EXOC6: variants seen among roughly 807,000 people sequenced by gnomAD.
EXOC6 encodes exocyst complex component 6, also known as SEC15-like 1.
EXOC6 carries 60 observed loss-of-function variants against 112.5 expected under a neutral mutation model. That is an observed-to-expected ratio of 0.53 (90% CI 0.43 to 0.66). The LOEUF is 0.66. Ranked by LOEUF, EXOC6 falls within the 30% of genes least tolerant of loss-of-function variation. The pLI is 0.00. For synonymous variants in EXOC6, 295 were observed against 308.0 expected (o/e 0.96, Z 0.44); for missense variants, 855 against 957.1 (o/e 0.89, Z 1.41).
chr10:93,051,065 G>T (rs1354775164), intron 20 of EXOC6, among the ~76,000 whole-genome samples: 2 of 151,124 alleles, frequency 1.3e-5, no homozygotes, highest in Non-Finnish European at 2.9e-5. Flanking sequence ...TTTAGCCATG[G>T]TAGTGACCAA....
chr10:92,958,330 C>A (rs894133090), intron 17 of EXOC6, among the ~76,000 whole-genome samples: 1 of 152,150 alleles, frequency 6.6e-6, no homozygotes, highest in Non-Finnish European at 1.5e-5. Flanking sequence ...GAGAAATAGT[C>A]CAGTTCTTTC....
At chr10:92,885,120 CTTTG>C (rs1589762038) in intron 1 of EXOC6, among the ~76,000 whole-genome samples, 1 of 152,150 alleles carries the variant, frequency 6.6e-6, no homozygotes, top group African/African-American at 2.4e-5. Flanking sequence ...CTGCAAGATA[CTTTG>C]TTTAAATTCC....
At chr10:92,918,958 A>G (rs1280228247) in intron 7 of EXOC6, among the ~76,000 whole-genome samples, 1 of 152,228 alleles carries the variant, frequency 6.6e-6, no homozygotes. Flanking sequence ...CTAATGTGGA[A>G]TTAGTATGTC....
Position 92,919,764 on chromosome 10 carries a change from A to G in EXOC6, c.820-218A>G, listed in dbSNP as rs576787817. 2.0e-5 allele frequency among the ~76,000 whole-genome samples: 3 copies of G among 152,326 alleles called. No individual in the cohort carries two copies. The East Asian group carries it at 5.8e-4, about 29-fold the overall frequency. Reference sequence around the variant, plus strand: ...TTACCTTAAGTTGAAAACAGTCCACAGTGATAATAAACATACTACAAAGAA... The same window carrying G: ...TTACCTTAAGTTGAAAACAGTCCACGGTGATAATAAACATACTACAAAGAA... On this transcript the variant is annotated intron_variant, in intron 7 of 21. Transcript: ENST00000260762.
At chr10:92,981,965 CATT>C (rs1038231561) in intron 18 of EXOC6, among the ~76,000 whole-genome samples, 7 of 151,972 alleles carry the variant, frequency 4.6e-5, no homozygotes, top group Admixed American at 4.6e-4. Flanking sequence ...AAAATACAAA[CATT>C]AGCCGGGCAG....
At chr10:92,904,275 GT>G (rs1850326997) in intron 5 of EXOC6, among the ~76,000 whole-genome samples, 1 of 152,136 alleles carries the variant, frequency 6.6e-6, no homozygotes, top group South Asian at 2.1e-4. Flanking sequence ...TTGTGTGCAG[GT>G]TTTATGCATG....
chr10:93,058,363 A>G lies in EXOC6; in HGVS notation c.*8A>G, dbSNP rs779224412. 11 of 1,593,000 alleles carry G rather than the reference A, an allele frequency of 6.9e-6. No individual in the cohort carries two copies. In the Admixed American group the frequency reaches 2.1e-4, roughly 30 times the overall value. ...ATGTCCCAGCACATGTAGACCTCAC[A>G]TGGCTTGCACTCAGTGACACCAAAT... On this transcript the variant is annotated 3_prime_UTR_variant, in exon 22 of 22. Transcript: ENST00000260762.
At chr10:92,977,660 C>G (rs1842678921) in intron 18 of EXOC6, among the ~76,000 whole-genome samples, 1 of 151,996 alleles carries the variant, frequency 6.6e-6, no homozygotes. Context: ...AGAACAAACA[C>G]ATGTACGTGC....
chr10:92,863,996 T>G (rs1480105857), intron 1 of EXOC6, among the ~76,000 whole-genome samples: 1 of 150,446 alleles, frequency 6.6e-6, no homozygotes, highest in Non-Finnish European at 1.5e-5. Flanking sequence ...GTGCTGGTTA[T>G]CTATTTAGTT....
chr10:92,841,682 A>G (rs1246114345), intron 1 of EXOC6, among the ~76,000 whole-genome samples: 1 of 152,226 alleles, frequency 6.6e-6, no homozygotes, highest in Admixed American at 6.5e-5. Flanking sequence ...ATAAAACTTT[A>G]AAAACATTTT....
intron 20 of EXOC6, among the ~76,000 whole-genome samples, chr10:93,031,827 A>G (rs971267456): frequency 2.0e-5 from 3 of 152,026 alleles, no homozygotes; most frequent in South Asian, 4.1e-4. Flanking sequence ...GCCATTTTTA[A>G]AAGAGGCACC....
At chr10:93,025,907 TCTC>T (rs544217893) in intron 20 of EXOC6, among the ~76,000 whole-genome samples, 2 of 152,166 alleles carry the variant, frequency 1.3e-5, no homozygotes, top group Non-Finnish European at 2.9e-5. Flanking sequence ...TAGTCATTCT[TCTC>T]CTCCCTTTCA....
intron 1 of EXOC6, among the ~76,000 whole-genome samples, chr10:92,853,518 A>G (rs1352259778): frequency 6.6e-6 from 1 of 152,258 alleles, no homozygotes; most frequent in Non-Finnish European, 1.5e-5. Context: ...ACAGAAATTA[A>G]GACTGTGGTA....
chr10:93,011,212 T>C (rs1217612746), intron 19 of EXOC6, among the ~76,000 whole-genome samples: 4 of 151,710 alleles, frequency 2.6e-5, no homozygotes, highest in Admixed American at 2.6e-4. Context: ...TTATGGTTTT[T>C]TTTTGTGACC....
chr10:92,864,905 T>C (rs1381179076), intron 1 of EXOC6, among the ~76,000 whole-genome samples: 2 of 152,176 alleles, frequency 1.3e-5, no homozygotes. Context: ...TGTGAGCCCA[T>C]TCCTGTAATA....
chr10:93,048,697 A>G (rs971538788), intron 20 of EXOC6, among the ~76,000 whole-genome samples: 2 of 148,284 alleles, frequency 1.3e-5, no homozygotes, highest in Admixed American at 6.8e-5. Flanking sequence ...CAGAGGTTGC[A>G]GTGAGCCAAG....
chr10:93,029,185 G>C (rs182805543), intron 20 of EXOC6, among the ~76,000 whole-genome samples: 2 of 152,248 alleles, frequency 1.3e-5, no homozygotes, highest in East Asian at 3.9e-4. Context: ...TTGTAGTAAA[G>C]TACATTTAAT....
At chr10:93,025,995 A>G (rs560753458) in intron 20 of EXOC6, among the ~76,000 whole-genome samples, 3 of 152,222 alleles carry the variant, frequency 2.0e-5, no homozygotes, top group African/African-American at 7.2e-5. Context: ...ACACCAAATC[A>G]TGCAGGATAA....
chr10:92,988,604 T>C (rs376852050), intron 18 of EXOC6, among the ~76,000 whole-genome samples: 1 of 152,192 alleles, frequency 6.6e-6, no homozygotes, highest in African/African-American at 2.4e-5. Flanking sequence ...CTTGATTATC[T>C]ATTGAATTAA....
Sources: gnomAD v4.1 joint callset for allele counts (sites outside exome capture counted in the v4.1 genomes callset) on GRCh38, gnomAD v4.1.1 for gene constraint, MANE v1.5 for transcripts, NCBI Gene and HGNC (gene_info 2026-07-23, HGNC 2026-07-21) for gene names.